Variants in ADGRG7 observed in about 807,000 individuals in gnomAD.
The protein encoded by ADGRG7 is adhesion G protein-coupled receptor G7, also known as G-protein coupled receptor 128.
In ADGRG7, 82 loss-of-function variants were observed where a neutral mutation model predicts 88.6. The observed-to-expected ratio is 0.93, with a 90% CI of 0.77 to 1.11. The LOEUF (loss-of-function observed/expected upper bound fraction) is 1.11. ADGRG7 is among the 50% of genes most tolerant of loss of function. The pLI is 0.00. For synonymous variants in ADGRG7, 381 were observed against 345.2 expected (o/e 1.10, Z -1.15); for missense variants, 945 against 953.4 (o/e 0.99, Z 0.12).
At chr3:100,671,124 A>G (rs878999734) in intron 15 of ADGRG7, among the ~76,000 whole-genome samples, 1 of 152,220 alleles carries the variant, frequency 6.6e-6, no homozygotes, top group African/African-American at 2.4e-5. Context: ...AGGAATCGCC[A>G]CACTGTCTTC....
chr3:100,635,044 C>T (rs908766160), intron 4 of ADGRG7, among the ~76,000 whole-genome samples: 10 of 151,408 alleles, frequency 6.6e-5, no homozygotes, highest in Admixed American at 1.3e-4. Flanking sequence ...CACACACGTG[C>T]GCGCGCATGG....
At chr3:100,677,997 T>C (rs1316379285) in intron 15 of ADGRG7, among the ~76,000 whole-genome samples, 2 of 152,260 alleles carry the variant, frequency 1.3e-5, no homozygotes, top group East Asian at 3.9e-4. Flanking sequence ...TTATTATTTC[T>C]TTGAATAAAC....
intron 15 of ADGRG7, among the ~76,000 whole-genome samples, chr3:100,688,814 G>C (rs1176752720): frequency 6.6e-6 from 1 of 152,142 alleles, no homozygotes; most frequent in Non-Finnish European, 1.5e-5. Flanking sequence ...GTCAATTTTG[G>C]AATAGGTGTG....
chr3:100,643,073 A>T (rs2149024263), intron 6 of ADGRG7, among the ~76,000 whole-genome samples, 193 bp from the exon 7 acceptor site: 1 of 152,328 alleles, frequency 6.6e-6, no homozygotes, highest in East Asian at 1.9e-4. Context: ...TGTCCACCAG[A>T]ACTGTTTTAT....
chr3:100,635,000 G>GACACACACACACACAC (rs142620077), intron 4 of ADGRG7, among the ~76,000 whole-genome samples: 16 of 146,672 alleles, frequency 1.1e-4, no homozygotes, highest in African/African-American at 4.0e-4. Context: ...TGAAAACCAA[G>GACACACACACACACAC]ACACACACAC....
chr3:100,616,847 C>G (rs1273213840), intron 1 of ADGRG7, among the ~76,000 whole-genome samples: 1 of 152,018 alleles, frequency 6.6e-6, no homozygotes, highest in East Asian at 1.9e-4. Flanking sequence ...AAAGTCCCCC[C>G]TCCACACCCT....
intron 14 of ADGRG7, chr3:100,665,386 G>A: frequency 5.6e-6 from 3 of 540,350 alleles, no homozygotes; most frequent in South Asian, 4.1e-5. Context: ...CATTACAATA[G>A]AAGCATTGTT....
intron 15 of ADGRG7, among the ~76,000 whole-genome samples, chr3:100,686,939 G>T (rs1411628272): frequency 6.6e-6 from 1 of 152,098 alleles, no homozygotes; most frequent in Non-Finnish European, 1.5e-5. Context: ...AGCTTGATGG[G>T]GTTGGCATTG....
intron 1 of ADGRG7, among the ~76,000 whole-genome samples, chr3:100,616,776 A>G (rs1707231329): frequency 6.6e-6 from 1 of 152,178 alleles, no homozygotes; most frequent in African/African-American, 2.4e-5. Context: ...AGCTATGATT[A>G]CACCTCTGCA....
chr3:100,639,645 C>G (rs1707605712), intron 6 of ADGRG7, among the ~76,000 whole-genome samples: 1 of 152,102 alleles, frequency 6.6e-6, no homozygotes, highest in Non-Finnish European at 1.5e-5. Context: ...GGGCTCCCTT[C>G]AGAGATGAAA....
intron 1 of ADGRG7, among the ~76,000 whole-genome samples, chr3:100,622,472 G>A (rs1238100209): frequency 6.6e-6 from 1 of 151,832 alleles, no homozygotes; most frequent in Non-Finnish European, 1.5e-5. Context: ...ATTTAACTGT[G>A]GCTTTAATTT....
At chr3:100,659,603 G>A (rs1377415358) in intron 13 of ADGRG7, 85 bp from the exon 14 acceptor site, 4 of 1,153,840 alleles carry the variant, frequency 3.5e-6, no homozygotes, top group Non-Finnish European at 4.9e-6. Flanking sequence ...TTTCAGTTGA[G>A]TGAATGTCAA....
chr3:100,684,117 T>A (rs1311571828), intron 15 of ADGRG7, among the ~76,000 whole-genome samples: 1 of 152,114 alleles, frequency 6.6e-6, no homozygotes, highest in Non-Finnish European at 1.5e-5. Flanking sequence ...AGTTTGTTTT[T>A]ATTTGATTTT....
chr3:100,637,669 C>T (rs1445118935), intron 6 of ADGRG7: 1 of 371,750 alleles, frequency 2.7e-6, no homozygotes. Flanking sequence ...TTGTTTTCCT[C>T]ACCTTAGTTT....
intron 15 of ADGRG7, among the ~76,000 whole-genome samples, chr3:100,690,936 C>CTTTTT: frequency 6.6e-6 from 1 of 152,202 alleles, no homozygotes. Context: ...TTACTGCTGC[C>CTTTTT]TTTTGTTTGT....
intron 1 of ADGRG7, among the ~76,000 whole-genome samples, chr3:100,611,824 A>C (rs1191980014): frequency 6.6e-6 from 1 of 152,168 alleles, no homozygotes; most frequent in East Asian, 1.9e-4. Flanking sequence ...TTGAGAGTGC[A>C]TTTGAGTTGG....
At chr3:100,684,160 TAA>T (rs2094978257) in intron 15 of ADGRG7, among the ~76,000 whole-genome samples, 1 of 152,058 alleles carries the variant, frequency 6.6e-6, no homozygotes, top group Non-Finnish European at 1.5e-5. Context: ...CTTTTATTTT[TAA>T]GTTTTCTCAT....
Position 100,635,838 on chromosome 3 carries a change from AG to A in ADGRG7, c.597+13del. On this transcript the variant is annotated intron_variant, in intron 5 of 15. Coordinates refer to ENST00000273352, the MANE Select transcript of ADGRG7 (RefSeq NM_032787.3). The stretch of plus-strand genomic sequence containing the variant: ...ATGCTTCACCTGAGGTAAAACTCAC[AG>A]AGCTTTAAAAAAAATTTTTTTTTTA... The A allele has an allele frequency of 6.3e-7, 1 of 1,592,456 alleles. No individual in the cohort carries two copies. Among genetic ancestry groups the A allele is most frequent in the Non-Finnish European group, 8.5e-7 (1 of 1,173,214 alleles).
chr3:100,643,492 G>C (rs528132805), intron 7 of ADGRG7, 34 bp from the exon 8 acceptor site: 2 of 1,608,498 alleles, frequency 1.2e-6, no homozygotes, highest in Admixed American at 1.7e-5. Context: ...TGATAATGTA[G>C]ACTTTTACAA....
Sources: gnomAD v4.1 joint callset for allele counts (sites outside exome capture counted in the v4.1 genomes callset) on GRCh38, gnomAD v4.1.1 for gene constraint, MANE v1.5 for transcripts, NCBI Gene and HGNC (gene_info 2026-07-23, HGNC 2026-07-21) for gene names.